The following TYW1 variants were observed in gnomAD, a reference collection of about 807,000 sequenced individuals.
The protein encoded by TYW1 is tRNA-yW synthesizing protein 1 homolog, also known as S-adenosyl-L-methionine-dependent tRNA 4-demethylwyosine synthase TYW1.
In TYW1, 46 loss-of-function variants were observed where a neutral mutation model predicts 96.2. That is an observed-to-expected ratio of 0.48 (90% CI 0.38 to 0.61). The LOEUF is 0.61. TYW1 is among the 20% of genes least tolerant of loss of function. The pLI, the probability that TYW1 is intolerant of heterozygous loss-of-function variation, is 0.00. For missense variants in TYW1, 684 were observed against 909.6 expected (o/e 0.75, Z 3.19); for synonymous variants, 274 against 323.0 (o/e 0.85, Z 1.63).
At chr7:67,001,231 C>T (rs1017534090) in intron 3 of TYW1, among the ~76,000 whole-genome samples, 2 of 151,910 alleles carry the variant, frequency 1.3e-5, no homozygotes, top group Admixed American at 1.3e-4. Context: ...TGCTGTGTTT[C>T]GAGATTTATC....
intron 13 of TYW1, among the ~76,000 whole-genome samples, chr7:67,119,577 C>T (rs560410617): frequency 6.6e-6 from 1 of 152,196 alleles, no homozygotes; most frequent in South Asian, 2.1e-4. Flanking sequence ...TTCTGTGCAC[C>T]TCCTAGACCC....
In TYW1 at chr7:67,178,004, G is replaced by GAA. The variant is rs575371772; in HGVS notation, c.1699-5110_1699-5109dup. 5.9e-3 allele frequency among the ~76,000 whole-genome samples: 740 copies of GAA among 124,844 alleles called. 12 individuals carry two copies. The highest frequency in any genetic ancestry group is 0.02 in the African/African-American group (669 of 33,338). The allele number at this position is 124,844 out of a possible 152,430, so 81.9% of individuals were successfully genotyped here. A position where few individuals can be genotyped will look rare whatever the true frequency, so the allele number is the denominator to read the frequency against. On this transcript the variant is annotated intron_variant, in intron 13 of 15. Transcript: ENST00000359626. ...GCCTGTCTCTACAGAAAAAAAAAAAGAAAAAAAAAAAAAGCTAGGAGTGGC... is the reference window on the plus strand; with the variant it reads ...GCCTGTCTCTACAGAAAAAAAAAAAGAAAAAAAAAAAAAAAGCTAGGAGTGGC...
chr7:67,223,237 T>G (rs1801454859), intron 15 of TYW1, among the ~76,000 whole-genome samples: 1 of 152,222 alleles, frequency 6.6e-6, no homozygotes, highest in Non-Finnish European at 1.5e-5. Flanking sequence ...TCACTGTTTC[T>G]TTGTGTGCCT....
intron 15 of TYW1, among the ~76,000 whole-genome samples, chr7:67,238,037 G>C (rs1212311184): frequency 1.3e-5 from 2 of 151,876 alleles, no homozygotes; most frequent in Admixed American, 6.6e-5. Context: ...CTGTGTCAGC[G>C]GGACTGCTTG....
intron 4 of TYW1, among the ~76,000 whole-genome samples, chr7:67,013,164 G>A (rs1375306929): frequency 6.7e-6 from 1 of 150,024 alleles, no homozygotes; most frequent in Non-Finnish European, 1.5e-5. Context: ...TGCCCAGGCT[G>A]GAGTGCAGTG....
chr7:67,031,973 C>T (rs1218438857), intron 7 of TYW1, among the ~76,000 whole-genome samples: 3 of 152,148 alleles, frequency 2.0e-5, no homozygotes, highest in South Asian at 2.1e-4. Context: ...GCTTGAATCT[C>T]ATCATGGGGA....
chr7:67,123,717 C>A lies in TYW1; in HGVS notation c.1698+6099C>A, dbSNP rs373817547. Among the ~76,000 whole-genome samples, 10 of 152,250 alleles carry A rather than the reference C, an allele frequency of 6.6e-5. No homozygotes were observed. In the South Asian group the frequency reaches 2.1e-3, roughly 32 times the overall value. ...GGGAGTCTGCGGGTGTTGAAGCTTTCAACGTGAAGCACATAGAGAATGAGT... is the reference window on the plus strand; with the variant it reads ...GGGAGTCTGCGGGTGTTGAAGCTTTAAACGTGAAGCACATAGAGAATGAGT... On this transcript the variant is annotated intron_variant, in intron 13 of 15. Transcript: ENST00000359626.
At chr7:67,064,720 C>G (rs1795807328) in intron 9 of TYW1, among the ~76,000 whole-genome samples, 1 of 152,184 alleles carries the variant, frequency 6.6e-6, no homozygotes, top group Non-Finnish European at 1.5e-5. Context: ...TCTCCCACAA[C>G]ACGTGGGAAT....
At chr7:67,043,824 C>T (rs1480642247) in intron 7 of TYW1, among the ~76,000 whole-genome samples, 1 of 152,142 alleles carries the variant, frequency 6.6e-6, no homozygotes, top group Non-Finnish European at 1.5e-5. Flanking sequence ...CTTGGGCACG[C>T]TGCTTTTCCA....
chr7:67,119,535 GT>G (rs1797698311), intron 13 of TYW1, among the ~76,000 whole-genome samples: 1 of 152,154 alleles, frequency 6.6e-6, no homozygotes, highest in African/African-American at 2.4e-5. Flanking sequence ...TGGAAGGAAT[GT>G]TCTTTCTTTC....
intron 14 of TYW1, among the ~76,000 whole-genome samples, chr7:67,193,466 A>C (rs1489210849): frequency 1.3e-5 from 2 of 152,126 alleles, no homozygotes; most frequent in African/African-American, 4.8e-5. Context: ...TGGTTTTTAA[A>C]AATTAAGTGT....
chr7:67,173,047 C>CA (rs905152555), intron 13 of TYW1, among the ~76,000 whole-genome samples: 1 of 152,098 alleles, frequency 6.6e-6, no homozygotes, highest in Non-Finnish European at 1.5e-5. Context: ...AAAACAAAAA[C>CA]AAAAAAATTA....
intron 3 of TYW1, among the ~76,000 whole-genome samples, chr7:67,007,509 ACCT>A (rs1215962532): frequency 2.6e-5 from 4 of 151,348 alleles, no homozygotes; most frequent in Non-Finnish European, 5.9e-5. Context: ...TGACCCAAAC[ACCT>A]CCTATTCGAG....
At chr7:67,084,147 C>G (rs1796469674) in intron 11 of TYW1, among the ~76,000 whole-genome samples, 1 of 152,150 alleles carries the variant, frequency 6.6e-6, no homozygotes, top group African/African-American at 2.4e-5. Flanking sequence ...TGCTGTTGTT[C>G]TGTCTGGCTG....
intron 8 of TYW1, 132 bp from the exon 9 acceptor site, chr7:67,055,703 T>C: frequency 1.8e-6 from 1 of 561,218 alleles, no homozygotes; most frequent in East Asian, 2.8e-5. Context: ...ATCTTTAATG[T>C]TTCCTGCCAT....
chr7:67,138,503 T>C (rs567634695), intron 13 of TYW1, among the ~76,000 whole-genome samples: 1 of 152,286 alleles, frequency 6.6e-6, no homozygotes, highest in African/African-American at 2.4e-5. Flanking sequence ...TTAGTCACTT[T>C]TAAATGTACA....
intron 7 of TYW1, among the ~76,000 whole-genome samples, chr7:67,043,491 C>T (rs916859245): frequency 6.6e-6 from 1 of 151,882 alleles, no homozygotes; most frequent in Non-Finnish European, 1.5e-5. Context: ...TTGACAGTTA[C>T]TCACTGGAGA....
intron 10 of TYW1, among the ~76,000 whole-genome samples, chr7:67,080,695 A>G (rs969164177): frequency 2.0e-5 from 3 of 152,024 alleles, no homozygotes; most frequent in African/African-American, 7.2e-5. Flanking sequence ...CACCACACCC[A>G]GCTGCTTTTG....
chr7:67,177,700 A>T (rs145385820), intron 13 of TYW1, among the ~76,000 whole-genome samples: 5,746 of 152,304 alleles, frequency 0.038, 327 homozygotes, highest in African/African-American at 0.13. Context: ...TGAAGATAAC[A>T]ACCAACCAAA....
Sources: allele counts gnomAD v4.1 joint callset (sites outside exome capture counted in the v4.1 genomes callset), GRCh38; gene constraint gnomAD v4.1.1; transcripts MANE v1.5; gene names NCBI Gene and HGNC (gene_info 2026-07-23, HGNC 2026-07-21).